CENPP: variants seen among roughly 807,000 people sequenced by gnomAD.
CENPP encodes centromere protein P.
In CENPP, 24 loss-of-function variants were observed where a neutral mutation model predicts 35.6. That is an observed-to-expected ratio of 0.67 (90% CI 0.49 to 0.95). The LOEUF (loss-of-function observed/expected upper bound fraction) is 0.95, where lower values mean the gene tolerates loss of function less well. CENPP is among the 40% of genes least tolerant of loss of function. The probability of loss-of-function intolerance (pLI) is 0.00; values close to 1 mark genes in which losing one functional copy is unlikely to be tolerated. For synonymous variants in CENPP, 120 were observed against 125.5 expected, an observed-to-expected ratio of 0.96 and a Z score of 0.29; for missense variants, 332 against 345.3, an observed-to-expected ratio of 0.96 and a Z score of 0.31.
At chr9:92,496,576 TTAAAA>T in intron 5 of CENPP, 2 of 1,502,844 alleles carry the variant, frequency 1.3e-6, no homozygotes, top group East Asian at 4.8e-5. Flanking sequence ...AATTTTGTTC[TTAAAA>T]TAAAGTTGGA....
At chr9:92,560,419 C>G (rs1321678178) in intron 5 of CENPP, among the ~76,000 whole-genome samples, 1 of 152,170 alleles carries the variant, frequency 6.6e-6, no homozygotes, top group African/African-American at 2.4e-5. Context: ...AGTTTCCATC[C>G]TTTTGGACAT....
At chr9:92,524,881 T>C (rs1290914237) in intron 5 of CENPP, among the ~76,000 whole-genome samples, 4 of 152,076 alleles carry the variant, frequency 2.6e-5, no homozygotes, top group Admixed American at 2.6e-4. Flanking sequence ...AAATCTATGA[T>C]AGGAAGGAAT....
chr9:92,360,805 C>A (rs1325589855), intron 4 of CENPP, among the ~76,000 whole-genome samples: 20 of 151,358 alleles, frequency 1.3e-4, no homozygotes, highest in African/African-American at 4.6e-4. Flanking sequence ...CCTGGGTTCA[C>A]ACCATTCTTC....
chr9:92,486,782 AT>A (rs5899162), intron 5 of CENPP, among the ~76,000 whole-genome samples: 47,522 of 138,380 alleles, frequency 0.34, 8,777 homozygotes, highest in African/African-American at 0.58. Flanking sequence ...GCATGTGTCA[AT>A]TTTTTTTTTT....
In CENPP at chr9:92,592,901, T is replaced by A. The variant is rs145986065; in HGVS notation, c.565-18413T>A. On this transcript the variant is annotated intron_variant, in intron 5 of 7. Coordinates refer to ENST00000375587, the MANE Select transcript of CENPP (RefSeq NM_001012267.3). ...TATATACCCAGCATTTAACATCATATCTGTGCTTTTTATTAAGGCTCTTTC... is the reference window on the plus strand; with the variant it reads ...TATATACCCAGCATTTAACATCATAACTGTGCTTTTTATTAAGGCTCTTTC... Among the ~76,000 whole-genome samples the A allele has an allele frequency of 8.2e-4, 125 of 152,364 alleles. No individual in the cohort carries two copies. In the East Asian group the frequency reaches 0.019, roughly 23 times the overall value.
chr9:92,453,134 TCTG>T (rs1204935804), intron 5 of CENPP, among the ~76,000 whole-genome samples: 146 of 151,996 alleles, frequency 9.6e-4, no homozygotes, highest in Admixed American at 2.3e-3. Context: ...TTTCTTGCCT[TCTG>T]CTAGCTTTTG....
chr9:92,394,725 C>T (rs1197594856), intron 5 of CENPP, among the ~76,000 whole-genome samples: 1 of 151,792 alleles, frequency 6.6e-6, no homozygotes, highest in African/African-American at 2.4e-5. Context: ...CTGCCTCAGC[C>T]TCCCAAGTAT....
chr9:92,338,308 T>G (rs1235316086), intron 3 of CENPP, among the ~76,000 whole-genome samples: 2 of 151,480 alleles, frequency 1.3e-5, no homozygotes, highest in African/African-American at 2.4e-5. Context: ...TGAGACTCTG[T>G]CACACACAAA....
chr9:92,551,092 C>T (rs1166896383), intron 5 of CENPP, among the ~76,000 whole-genome samples: 2 of 152,120 alleles, frequency 1.3e-5, no homozygotes, highest in Non-Finnish European at 2.9e-5. Context: ...CAGAGCATTT[C>T]CTGGGGAGGT....
At chr9:92,497,431 C>T (rs1451079739) in intron 5 of CENPP, among the ~76,000 whole-genome samples, 2 of 152,000 alleles carry the variant, frequency 1.3e-5, no homozygotes, top group Non-Finnish European at 2.9e-5. Context: ...TCAAGACCAG[C>T]CTGACCAACA....
intron 5 of CENPP, among the ~76,000 whole-genome samples, chr9:92,408,263 G>A (rs1843359558): frequency 6.6e-6 from 1 of 152,164 alleles, no homozygotes; most frequent in Admixed American, 6.5e-5. Flanking sequence ...TCAGCTCACT[G>A]CAACCTCCGC....
chr9:92,474,958 G>C (rs986051607), intron 5 of CENPP: 61 of 1,501,046 alleles, frequency 4.1e-5, no homozygotes, highest in Middle Eastern at 3.5e-4. Flanking sequence ...AAATTTAAAT[G>C]GATATAATTC....
intron 5 of CENPP, among the ~76,000 whole-genome samples, chr9:92,568,483 C>A (rs1269055762): frequency 1.3e-5 from 2 of 152,136 alleles, no homozygotes; most frequent in Non-Finnish European, 2.9e-5. Flanking sequence ...TCCAGTCTAT[C>A]ATTGATGGAC....
At chr9:92,368,607 A>C (rs1474530687) in intron 4 of CENPP, among the ~76,000 whole-genome samples, 1 of 152,226 alleles carries the variant, frequency 6.6e-6, no homozygotes, top group Non-Finnish European at 1.5e-5. Flanking sequence ...CTTTTGAGTG[A>C]CCAAATATGG....
intron 5 of CENPP, among the ~76,000 whole-genome samples, chr9:92,568,599 A>C (rs1429526115): frequency 1.3e-5 from 2 of 152,124 alleles, no homozygotes; most frequent in Non-Finnish European, 1.5e-5. Context: ...GGGTATATAC[A>C]CAGTAATGGG....
chr9:92,367,168 G>C (rs968226416), intron 4 of CENPP, among the ~76,000 whole-genome samples: 1 of 152,032 alleles, frequency 6.6e-6, no homozygotes, highest in African/African-American at 2.4e-5. Flanking sequence ...TTATTTTTAT[G>C]TATTCATTTA....
At chr9:92,451,164 C>T (rs1313282450) in intron 5 of CENPP, among the ~76,000 whole-genome samples, 3 of 148,404 alleles carry the variant, frequency 2.0e-5, no homozygotes, top group East Asian at 1.9e-4. Flanking sequence ...GACATGAAGT[C>T]CTTGCCCATG....
At chr9:92,407,954 G>A (rs1408898389) in intron 5 of CENPP, among the ~76,000 whole-genome samples, 1 of 151,886 alleles carries the variant, frequency 6.6e-6, no homozygotes, top group African/African-American at 2.4e-5. Context: ...TTTGTCTGTT[G>A]GCAACCAAAA....
chr9:92,509,969 C>G, intron 5 of CENPP: 1 of 1,610,734 alleles, frequency 6.2e-7, no homozygotes, highest in Non-Finnish European at 8.5e-7. Flanking sequence ...ATGTAGATGG[C>G]AATTGTGAAG....
Sources: gnomAD v4.1 joint callset for allele counts (sites outside exome capture counted in the v4.1 genomes callset) on GRCh38, gnomAD v4.1.1 for gene constraint, MANE v1.5 for transcripts, NCBI Gene and HGNC (gene_info 2026-07-23, HGNC 2026-07-21) for gene names.